Variants in UNC80 observed in about 807,000 individuals in gnomAD.
The protein encoded by UNC80 is protein unc-80 homolog.
Under a neutral mutation model 384.6 loss-of-function variants are expected in UNC80, and 164 were observed. The observed-to-expected ratio is 0.43, with a 90% CI of 0.38 to 0.49. UNC80 has a LOEUF of 0.49. UNC80 is among the 20% of genes least tolerant of loss of function. The probability of loss-of-function intolerance (pLI) is 0.00; values close to 1 mark genes in which losing one functional copy is unlikely to be tolerated. For synonymous variants in UNC80, 1,486 were observed against 1,527.8 expected (o/e 0.97, Z 0.64); for missense variants, 3,330 against 4,143.0 (o/e 0.80, Z 5.39).
intron 63 of UNC80, 134 bp downstream of exon 63, chr2:209,993,560 TC>T: frequency 1.5e-6 from 1 of 681,900 alleles, no homozygotes; most frequent in Non-Finnish European, 2.4e-6. Context: ...GGAAGGAGTT[TC>T]CCAGAAAACT....
chr2:209,849,337 T>C, intron 21 of UNC80, 114 bp from the exon 22 acceptor site: 10 of 1,216,390 alleles, frequency 8.2e-6, no homozygotes, highest in Non-Finnish European at 1.1e-5. Context: ...AAGGAGAAAG[T>C]TTTCTGGCCA....
intron 54 of UNC80, 79 bp downstream of exon 54, chr2:209,971,036 T>C: frequency 2.0e-6 from 3 of 1,482,144 alleles, no homozygotes; most frequent in Non-Finnish European, 2.7e-6. Context: ...CGTTTTTTTC[T>C]GCAAAGGCTG....
chr2:209,971,635 A>G (rs1026588623), intron 54 of UNC80, among the ~76,000 whole-genome samples: 2 of 152,246 alleles, frequency 1.3e-5, no homozygotes, highest in Non-Finnish European at 2.9e-5. Flanking sequence ...TTGATGGCTC[A>G]TCATCCAGAG....
intron 60 of UNC80, chr2:209,982,969 C>CAT (rs1446407027): frequency 6.6e-6 from 1 of 151,346 alleles, no homozygotes; most frequent in African/African-American, 2.4e-5. Context: ...CACACACACA[C>CAT]ACAATGAAAG....
chr2:209,800,352 G>A (rs2078461445), intron 7 of UNC80, among the ~76,000 whole-genome samples: 1 of 152,044 alleles, frequency 6.6e-6, no homozygotes, highest in East Asian at 1.9e-4. Context: ...GCATAGAGGT[G>A]TTTATAGTAT....
chr2:209,792,210 G>T (rs1381837502), intron 6 of UNC80, among the ~76,000 whole-genome samples: 2 of 152,100 alleles, frequency 1.3e-5, no homozygotes, highest in Non-Finnish European at 2.9e-5. Flanking sequence ...AGGCTAAGTG[G>T]AGAGGATCAC....
intron 51 of UNC80, among the ~76,000 whole-genome samples, chr2:209,960,114 G>A (rs926958536): frequency 5.9e-5 from 9 of 152,142 alleles, no homozygotes; most frequent in Admixed American, 2.0e-4. Flanking sequence ...ACTACTTTCT[G>A]CTTCTAGGGT....
chr2:209,782,223 A>C (rs982022186), intron 4 of UNC80, among the ~76,000 whole-genome samples: 1 of 152,230 alleles, frequency 6.6e-6, no homozygotes, highest in Admixed American at 6.5e-5. Flanking sequence ...CGTCATACAG[A>C]GAGTACAACT....
chr2:209,888,171 G>T lies in UNC80; in HGVS notation c.4187G>T (p.Gly1396Val). Reference protein sequence around the residue: ...HRYERKISFAGVLDENEDSKD... With the variant: ...HRYERKISFAVVLDENEDSKD... ...TATGAGAGGAAGATCAGCTTTGCTG[G>T]GGTCCTGGACGAAAATGAAGACTCA... The change falls in exon 26 of 65, where the codon GGG becomes GTG. Residue 1396 changes from glycine (G) to valine (V), a missense_variant. Gly to Val is a moderately radical substitution (Grantham distance 109, BLOSUM62 -3). This residue lies in a region of UNC80 where 801 missense variants were observed against 950.8 expected (regional missense o/e 0.84). Transcript: ENST00000673920. The T allele has an allele frequency of 6.4e-7, 1 of 1,551,628 alleles. No individual in the cohort carries two copies. The highest frequency in any genetic ancestry group is 8.7e-7 in the Non-Finnish European group (1 of 1,146,988).
At chr2:209,806,912 C>T (rs6733509) in intron 7 of UNC80, among the ~76,000 whole-genome samples, 5,682 of 152,246 alleles carry the variant, frequency 0.037, 155 homozygotes, top group Non-Finnish European at 0.059. Flanking sequence ...TTGTTATTTC[C>T]GGAGTGCTTA....
intron 2 of UNC80, 152 bp from the exon 3 acceptor site, chr2:209,775,737 T>G: frequency 1.6e-6 from 1 of 635,422 alleles, no homozygotes; most frequent in Non-Finnish European, 2.6e-6. Flanking sequence ...ATGCAATGAG[T>G]TCTCCCTAAA....
rs998511461 is a variant in UNC80 at position 209,989,369 on chromosome 2, T to C, written c.9315-2797T>C. Among the ~76,000 whole-genome samples the C allele has an allele frequency of 1.8e-4, 28 of 152,000 alleles. 3 individuals are homozygous for C. The highest frequency in any genetic ancestry group is 1.8e-3 in the Admixed American group (27 of 15,256). On this transcript the variant is annotated intron_variant, in intron 61 of 64. Transcript: ENST00000673920. ...AAAACCAGTTTTCTCTATTGGACAA[T>C]TATAAGAAGTTGTCCCACTACTCTG...
At chr2:209,982,371 C>A in intron 60 of UNC80, 54 bp downstream of exon 60, 1 of 1,480,414 alleles carries the variant, frequency 6.8e-7, no homozygotes, top group South Asian at 1.4e-5. Flanking sequence ...GTTAGAAATT[C>A]TGAAAATACA....
At chr2:209,807,100 G>GA (rs1195044354) in intron 7 of UNC80, among the ~76,000 whole-genome samples, 29 of 152,090 alleles carry the variant, frequency 1.9e-4, no homozygotes, top group Middle Eastern at 3.4e-3. Context: ...GTCAATTACA[G>GA]AAAAAATGTA....
Position 209,976,833 on chromosome 2 carries a change from A to G in UNC80, c.8773-80A>G. 1 of 1,409,440 alleles carries G rather than the reference A, an allele frequency of 7.1e-7. No homozygotes were observed. The highest frequency in any genetic ancestry group is 9.5e-7 in the Non-Finnish European group (1 of 1,056,610). 87.3% of individuals were successfully genotyped at this position (1,409,440 alleles called of 1,614,324 possible). A position where few individuals can be genotyped will look rare whatever the true frequency, so the allele number is the denominator to read the frequency against. ...ATGCATTACCTTATTTATTCCTCAC[A>G]ACAATGAAATAGGTACAGCAATTAG... On this transcript the variant is annotated intron_variant, in intron 57 of 64. Transcript: ENST00000673920. This position sits in a 1 kb window ranked among gnomAD's most constrained non-coding sequence, Gnocchi z 4.3.
chr2:209,829,102 G>A (rs991896804), intron 14 of UNC80, 130 bp from the exon 15 acceptor site: 34 of 1,021,168 alleles, frequency 3.3e-5, no homozygotes, highest in Middle Eastern at 3.2e-4. Context: ...GGGGCTAGCA[G>A]GGTTGCCTGT....
chr2:209,967,652 G>C lies in UNC80; in HGVS notation c.8006+15G>C. ...CCTACTTTGAGGTGAGAATGCCTCC[G>C]AGTTAGCTGTTGCTATCACAAATGT... On this transcript the variant is annotated intron_variant, in intron 52 of 64. Transcript: ENST00000673920. The C allele has an allele frequency of 1.3e-6, 2 of 1,549,018 alleles. No homozygotes were observed. Among genetic ancestry groups the C allele is most frequent in the Non-Finnish European group, 1.7e-6 (2 of 1,144,884 alleles).
intron 47 of UNC80, among the ~76,000 whole-genome samples, chr2:209,950,999 C>G (rs888838953): frequency 1.3e-5 from 2 of 151,898 alleles, no homozygotes; most frequent in Non-Finnish European, 2.9e-5. Flanking sequence ...ATGGCAAAAC[C>G]CCGTCCCTAC....
In UNC80 at chr2:209,939,078, G is replaced by A. The variant is rs573481146; in HGVS notation, c.6466-394G>A. On this transcript the variant is annotated intron_variant, in intron 42 of 64. Coordinates refer to ENST00000673920, the MANE Select transcript of UNC80 (RefSeq NM_001371986.1). ...TTTAAAGACAAACCCGGAACTCCCA[G>A]GAAACAGCTTCAGGCATTGGTGGCA... Among the ~76,000 whole-genome samples, 11 of 152,210 alleles carry A rather than the reference G, an allele frequency of 7.2e-5. No individual in the cohort carries two copies. The South Asian group carries it at 2.1e-3, about 29-fold the overall frequency.
Sources: allele counts gnomAD v4.1 joint callset (sites outside exome capture counted in the v4.1 genomes callset), GRCh38; gene constraint gnomAD v4.1.1; regional missense constraint gnomAD v4.1.1; non-coding constraint Gnocchi (gnomAD v3.1); transcripts MANE v1.5; gene names NCBI Gene and HGNC (gene_info 2026-07-23, HGNC 2026-07-21).